The following PRKN variants were observed in gnomAD, a reference collection of about 807,000 sequenced individuals.
PRKN encodes the protein parkin RBR E3 ubiquitin protein ligase, also known as E3 ubiquitin-protein ligase parkin.
In PRKN, 56 loss-of-function variants were observed where a neutral mutation model predicts 59.5. That is an observed-to-expected ratio of 0.94 (90% CI 0.76 to 1.18). The LOEUF (loss-of-function observed/expected upper bound fraction) is 1.18. Among genes scored for constraint, PRKN ranks in the 50% most tolerant of loss-of-function variants. PRKN has a pLI of 0.00. For synonymous variants in PRKN, 250 were observed against 222.1 expected (o/e 1.13, Z -1.12); for missense variants, 657 against 596.4 (o/e 1.10, Z -1.06).
At chr6:161,370,419 A>T (rs1785393815) in intron 10 of PRKN, among the ~76,000 whole-genome samples, 1 of 115,376 alleles carries the variant, frequency 8.7e-6, no homozygotes, top group Non-Finnish European at 1.7e-5. Context: ...TCTCTACTCA[A>T]AATACAAAAA....
At chr6:162,520,316 A>G (rs1322247227) in intron 1 of PRKN, among the ~76,000 whole-genome samples, 1 of 152,216 alleles carries the variant, frequency 6.6e-6, no homozygotes, top group Non-Finnish European at 1.5e-5. Flanking sequence ...GTTGCACTAA[A>G]AATCAGTAGC....
At chr6:162,066,184 C>T (rs1340117082) in intron 4 of PRKN, among the ~76,000 whole-genome samples, 1 of 152,192 alleles carries the variant, frequency 6.6e-6, no homozygotes, top group Non-Finnish European at 1.5e-5. Flanking sequence ...TACACTCCCA[C>T]TAACACTGTA....
At chr6:162,036,753 A>T (rs1783865966) in intron 5 of PRKN, among the ~76,000 whole-genome samples, 1 of 152,200 alleles carries the variant, frequency 6.6e-6, no homozygotes, top group Non-Finnish European at 1.5e-5. Context: ...TATTTTCAAC[A>T]TGTATGACAA....
chr6:161,402,746 G>A lies in PRKN; in HGVS notation c.1084-15869C>T, dbSNP rs1787104908. On this transcript the variant is annotated intron_variant, in intron 9 of 11. Transcript: ENST00000366898. This position sits in a 1 kb window ranked among gnomAD's most constrained non-coding sequence, Gnocchi z 4.5. Reference sequence around the variant, plus strand: ...ACAGGGGCTTGGGGATTCTTGTGAGGGGGAGGAGGTTAGAGGAGGGCAAGG... The same window carrying A: ...ACAGGGGCTTGGGGATTCTTGTGAGAGGGAGGAGGTTAGAGGAGGGCAAGG... Among the ~76,000 whole-genome samples the A allele has an allele frequency of 6.6e-6, 1 of 152,082 alleles. No homozygotes were observed. Among genetic ancestry groups the A allele is most frequent in the African/African-American group, 2.4e-5 (1 of 41,402 alleles).
At chr6:161,997,676 C>T (rs964060160) in intron 5 of PRKN, among the ~76,000 whole-genome samples, 1 of 152,148 alleles carries the variant, frequency 6.6e-6, no homozygotes, top group Non-Finnish European at 1.5e-5. Flanking sequence ...AATACTCTTC[C>T]TCACTCTACA....
At chr6:162,309,739 A>C (rs1303926299) in intron 2 of PRKN, among the ~76,000 whole-genome samples, 1 of 152,166 alleles carries the variant, frequency 6.6e-6, no homozygotes, top group Non-Finnish European at 1.5e-5. Flanking sequence ...GTACATGTGC[A>C]GGATGTGCAT....
chr6:161,784,398 G>A (rs1020939199), intron 7 of PRKN, among the ~76,000 whole-genome samples: 4 of 152,146 alleles, frequency 2.6e-5, no homozygotes, highest in African/African-American at 7.2e-5. Flanking sequence ...CCTATATCTG[G>A]TAAGGATCCA....
rs375349925 is a variant in PRKN, at chr6:161,413,548, C to T, written c.1084-26671G>A. Among the ~76,000 whole-genome samples the T allele has an allele frequency of 4.6e-5, 7 of 152,084 alleles. No homozygotes were observed. Among genetic ancestry groups the T allele is most frequent in the Non-Finnish European group, 7.4e-5 (5 of 68,014 alleles). On this transcript the variant is annotated intron_variant, in intron 9 of 11. Transcript: ENST00000366898. The surrounding 1 kb of genome is among the most constrained non-coding windows in gnomAD (Gnocchi z 4.4). ...GGAACCTGGCGGGCTCATGTGGGCA[C>T]GCTGGCCATGGTGGGATGGCAGCGT...
rs1583119495 is a variant in PRKN at position 161,475,580 on chromosome 6, G to A, written c.1083+73274C>T. 6.6e-6 allele frequency among the ~76,000 whole-genome samples: 1 copy of A among 152,108 alleles called. No homozygotes were observed. On this transcript the variant is annotated intron_variant, in intron 9 of 11. Coordinates refer to ENST00000366898, the MANE Select transcript of PRKN (RefSeq NM_004562.3). This position sits in a 1 kb window ranked among gnomAD's most constrained non-coding sequence, Gnocchi z 5.3. ...GTGCCGCGGTGCAATACAACTTGCC[G>A]CAGTCTTGACCTCCTGGGCTCAAGT...
Position 162,493,167 on chromosome 6 carries a change from C to A in PRKN, c.8-49694G>T, listed in dbSNP as rs561756671. Among the ~76,000 whole-genome samples, 28 of 152,270 alleles carry A rather than the reference C, an allele frequency of 1.8e-4. No homozygotes were observed. In the Middle Eastern group the frequency reaches 0.01, roughly 55 times the overall value. ...ATCAATGGACATTTCTATCGCCAAC[C>A]TGCTGCAGCTGCTTCTCAGAACCAC... On this transcript the variant is annotated intron_variant, in intron 1 of 11. Coordinates refer to ENST00000366898, the MANE Select transcript of PRKN (RefSeq NM_004562.3).
intron 4 of PRKN, among the ~76,000 whole-genome samples, chr6:162,169,319 T>C (rs976259504): frequency 1.3e-5 from 2 of 152,200 alleles, no homozygotes; most frequent in African/African-American, 4.8e-5. Context: ...TCTTCAGATA[T>C]TTAATGAAAG....
intron 1 of PRKN, among the ~76,000 whole-genome samples, chr6:162,683,429 T>G (rs1002061642): frequency 6.6e-6 from 1 of 152,112 alleles, no homozygotes; most frequent in Non-Finnish European, 1.5e-5. Flanking sequence ...AAAGGATAAT[T>G]CATAAGATGC....
chr6:161,399,416 A>C lies in PRKN; in HGVS notation c.1084-12539T>G, dbSNP rs1254573500. On this transcript the variant is annotated intron_variant, in intron 9 of 11. Transcript: ENST00000366898. The surrounding 1 kb of genome is among the most constrained non-coding windows in gnomAD (Gnocchi z 4.4). ...AAATTAAAAGAGCGCACTGTAACAC[A>C]CAGCTAACTGGGCTTTGGGAGTCAC... Among the ~76,000 whole-genome samples, 2 of 152,198 alleles carry C rather than the reference A, an allele frequency of 1.3e-5. No individual in the cohort carries two copies. The highest frequency in any genetic ancestry group is 2.1e-4 in the South Asian group (1 of 4,834).
rs1322605153 is a variant in PRKN at position 161,900,648 on chromosome 6, T to A, written c.734+72654A>T. 7.5e-5 allele frequency among the ~76,000 whole-genome samples: 8 copies of A among 106,012 alleles called. No individual in the cohort carries two copies. In the East Asian group the frequency reaches 9.1e-4, roughly 12 times the overall value. 69.5% of individuals were successfully genotyped at this position (106,012 alleles called of 152,430 possible). A position where few individuals can be genotyped will look rare whatever the true frequency, so the allele number is the denominator to read the frequency against. On this transcript the variant is annotated intron_variant, in intron 6 of 11. Coordinates refer to ENST00000366898, the MANE Select transcript of PRKN (RefSeq NM_004562.3). Reference sequence around the variant, plus strand: ...CTATAATATACTATATATTATATATTATATATAACATATATTATATATGTT... The same window carrying A: ...CTATAATATACTATATATTATATATAATATATAACATATATTATATATGTT...
chr6:162,648,249 T>G (rs1474496492), intron 1 of PRKN, among the ~76,000 whole-genome samples: 1 of 152,138 alleles, frequency 6.6e-6, no homozygotes, highest in East Asian at 1.9e-4. Context: ...TATAATCACG[T>G]TTTTGTAATA....
At chr6:162,416,371 G>A (rs541458507) in intron 2 of PRKN, among the ~76,000 whole-genome samples, 1 of 152,266 alleles carries the variant, frequency 6.6e-6, no homozygotes, top group African/African-American at 2.4e-5. Flanking sequence ...GCTAAGAGGT[G>A]GTAAGGATGG....
Position 161,407,414 on chromosome 6 carries a change from G to A in PRKN, c.1084-20537C>T, listed in dbSNP as rs1787328082. 6.6e-6 allele frequency among the ~76,000 whole-genome samples: 1 copy of A among 152,144 alleles called. No homozygotes were observed. Among genetic ancestry groups the A allele is most frequent in the African/African-American group, 2.4e-5 (1 of 41,410 alleles). On this transcript the variant is annotated intron_variant, in intron 9 of 11. Transcript: ENST00000366898. This position sits in a 1 kb window ranked among gnomAD's most constrained non-coding sequence, Gnocchi z 4.9. ...TGCTGGGAGGTAATTTAACAGGACT[G>A]AAATGCCTCCATTCTAAGATGACAT...
In PRKN at chr6:161,371,405, T is replaced by C. The variant is rs757940136; in HGVS notation, c.1168-11200A>G. On this transcript the variant is annotated intron_variant, in intron 10 of 11. Transcript: ENST00000366898. This position sits in a 1 kb window ranked among gnomAD's most constrained non-coding sequence, Gnocchi z 5.5. ...GTTTTGAACTCCTGACCTCAGGTGA[T>C]CTGCCCGCCTCCGTCTCCCAAAGTG... Among the ~76,000 whole-genome samples, 35 of 152,042 alleles carry C rather than the reference T, an allele frequency of 2.3e-4. No homozygotes were observed. The highest frequency in any genetic ancestry group is 4.7e-4 in the Non-Finnish European group (32 of 68,008).
chr6:162,190,632 A>G (rs970748163), intron 4 of PRKN, among the ~76,000 whole-genome samples: 2 of 152,206 alleles, frequency 1.3e-5, no homozygotes, highest in African/African-American at 4.8e-5. Context: ...ATGCACGCAT[A>G]CATTCATAAT....
Sources: gnomAD v4.1 joint callset for allele counts (sites outside exome capture counted in the v4.1 genomes callset) on GRCh38, gnomAD v4.1.1 for gene constraint, Gnocchi (gnomAD v3.1) non-coding constraint, MANE v1.5 for transcripts, NCBI Gene and HGNC (gene_info 2026-07-23, HGNC 2026-07-21) for gene names.